GPR158: variants seen among roughly 807,000 people sequenced by gnomAD.
GPR158 encodes the protein metabotropic glycine receptor.
A neutral mutation model predicts 78.2 loss-of-function variants in GPR158; 30 were observed. The observed-to-expected ratio is 0.38, with a 90% CI of 0.29 to 0.52. The LOEUF is 0.52. GPR158 is among the 20% of genes least tolerant of loss of function. The pLI, the probability that GPR158 is intolerant of heterozygous loss-of-function variation, is 0.83. For missense variants in GPR158, 1,463 were observed against 1,523.5 expected, an observed-to-expected ratio of 0.96 and a Z score of 0.66; for synonymous variants, 581 against 591.1, an observed-to-expected ratio of 0.98 and a Z score of 0.25.
rs554154207 is a variant in GPR158 at position 25,213,913 on chromosome 10, T to A, written c.903-7139T>A. On this transcript the variant is annotated intron_variant, in intron 1 of 10. Transcript: ENST00000376351. The stretch of plus-strand genomic sequence containing the variant: ...AATACTGCTTTTTAAACATTCCTTT[T>A]TGTCTCTTCATTCTGCATATTATTT... Among the ~76,000 whole-genome samples, 11 of 152,324 alleles carry A rather than the reference T, an allele frequency of 7.2e-5. 1 individual carries two copies. Among genetic ancestry groups the A allele is most frequent in the African/African-American group, 2.4e-4 (10 of 41,574 alleles).
chr10:25,258,242 C>T (rs1853917176), intron 2 of GPR158, among the ~76,000 whole-genome samples: 1 of 152,170 alleles, frequency 6.6e-6, no homozygotes, highest in South Asian at 2.1e-4. Context: ...TGCATGCATA[C>T]CTTCTCTCAT....
intron 4 of GPR158, among the ~76,000 whole-genome samples, chr10:25,458,905 A>G (rs1835323542): frequency 6.6e-6 from 1 of 152,176 alleles, no homozygotes; most frequent in Non-Finnish European, 1.5e-5. Flanking sequence ...AAAACCTAAA[A>G]TTGATTTTAA....
intron 7 of GPR158, among the ~76,000 whole-genome samples, chr10:25,584,253 C>T (rs1039948313): frequency 1.1e-4 from 17 of 152,116 alleles, no homozygotes; most frequent in Admixed American, 2.0e-4. Context: ...GTAATAACAC[C>T]GCAAATTTGG....
At chr10:25,596,166 C>T (rs1288967906) in intron 9 of GPR158, among the ~76,000 whole-genome samples, 1 of 152,016 alleles carries the variant, frequency 6.6e-6, no homozygotes, top group Non-Finnish European at 1.5e-5. Flanking sequence ...TAATTGTCTC[C>T]AAGACTTTAA....
intron 7 of GPR158, among the ~76,000 whole-genome samples, chr10:25,584,576 G>A (rs1430591483): frequency 6.6e-6 from 1 of 152,146 alleles, no homozygotes; most frequent in Non-Finnish European, 1.5e-5. Context: ...TGTAAAAACT[G>A]TGTGGTAAGT....
chr10:25,328,849 C>G (rs1327652788), intron 2 of GPR158, among the ~76,000 whole-genome samples: 3 of 143,206 alleles, frequency 2.1e-5, no homozygotes, highest in Non-Finnish European at 3.0e-5. Context: ...ATTGATTGAA[C>G]TCGGGAGGCG....
chr10:25,546,095 A>G (rs895721969), intron 5 of GPR158, among the ~76,000 whole-genome samples: 1 of 152,132 alleles, frequency 6.6e-6, no homozygotes, highest in Non-Finnish European at 1.5e-5. Flanking sequence ...GACATGCAGG[A>G]TGAGGCAGGG....
intron 2 of GPR158, among the ~76,000 whole-genome samples, chr10:25,344,504 T>C (rs1218364489): frequency 6.6e-6 from 1 of 151,812 alleles, no homozygotes; most frequent in African/African-American, 2.4e-5. Context: ...TTATTTATCT[T>C]GAGTTTAAAA....
At chr10:25,296,385 C>A (rs1854514135) in intron 2 of GPR158, among the ~76,000 whole-genome samples, 1 of 152,142 alleles carries the variant, frequency 6.6e-6, no homozygotes, top group South Asian at 2.1e-4. Flanking sequence ...TCAACAGCAT[C>A]TGCTACAAGT....
chr10:25,483,212 C>A (rs1835681887), intron 5 of GPR158, among the ~76,000 whole-genome samples: 1 of 152,010 alleles, frequency 6.6e-6, no homozygotes, highest in African/African-American at 2.4e-5. Flanking sequence ...CTATTTCATT[C>A]AGAATGAAAC....
chr10:25,483,551 C>T (rs1172525579), intron 5 of GPR158, among the ~76,000 whole-genome samples: 1 of 152,040 alleles, frequency 6.6e-6, no homozygotes, highest in Non-Finnish European at 1.5e-5. Context: ...ATCTTTATTT[C>T]TTACACGTAC....
intron 4 of GPR158, among the ~76,000 whole-genome samples, chr10:25,419,071 A>G (rs1564449847): frequency 6.6e-6 from 1 of 151,984 alleles, no homozygotes; most frequent in Admixed American, 6.6e-5. Flanking sequence ...TCATATTTTT[A>G]TTTTAGTAAA....
chr10:25,579,385 C>T (rs1227005207), intron 7 of GPR158, among the ~76,000 whole-genome samples: 1 of 152,178 alleles, frequency 6.6e-6, no homozygotes, highest in African/African-American at 2.4e-5. Context: ...CAGATCTTGA[C>T]ACCTAGATTT....
rs1468834267 is a variant in GPR158, at chr10:25,428,987, A to G, written c.1335+16514A>G. On this transcript the variant is annotated intron_variant, in intron 4 of 10. Transcript: ENST00000376351. ...TGCGTAGGGCCATCTTTAGCGTTACAGTTGGGTATAAGCAGAAAAATCAGC... is the reference window on the plus strand; with the variant it reads ...TGCGTAGGGCCATCTTTAGCGTTACGGTTGGGTATAAGCAGAAAAATCAGC... 6.6e-5 allele frequency among the ~76,000 whole-genome samples: 10 copies of G among 152,114 alleles called. No homozygotes were observed. In the East Asian group the frequency reaches 1.9e-3, roughly 29 times the overall value.
chr10:25,530,933 A>G (rs1252559320), intron 5 of GPR158, among the ~76,000 whole-genome samples: 3 of 125,798 alleles, frequency 2.4e-5, no homozygotes, highest in African/African-American at 3.5e-5. Flanking sequence ...CTTCCCTTCT[A>G]CTTTGCATCA....
In GPR158 at chr10:25,600,410, A is replaced by G. The variant is rs1306312634; in HGVS notation, c.*1136A>G. ...ATGACATAAGAATTATAGCAGTACT[A>G]TAAACCCAGGAAGTTTGCCTTTCAA... On this transcript the variant is annotated 3_prime_UTR_variant, in exon 11 of 11. Transcript: ENST00000376351. 6.6e-6 allele frequency: 1 copy of G among 152,402 alleles called. No homozygotes were observed. Among genetic ancestry groups the G allele is most frequent in the African/African-American group, 2.4e-5 (1 of 41,420 alleles). The allele number at this position is 152,402 out of a possible 1,614,324, so 9.4% of individuals were successfully genotyped here. A position where few individuals can be genotyped will look rare whatever the true frequency, so the allele number is the denominator to read the frequency against.
At chr10:25,475,545 G>A (rs1040594109) in intron 5 of GPR158, 7 of 152,108 alleles carry the variant, frequency 4.6e-5, no homozygotes, top group African/African-American at 1.7e-4. Context: ...TGTTGGACTG[G>A]ACTCACTGGC....
At chr10:25,193,089 G>T in intron 1 of GPR158, among the ~76,000 whole-genome samples, 1 of 152,152 alleles carries the variant, frequency 6.6e-6, no homozygotes, top group East Asian at 1.9e-4. Context: ...AAGTTGAGGA[G>T]CACCTGTATA....
intron 1 of GPR158, among the ~76,000 whole-genome samples, chr10:25,187,159 G>T (rs1055434075): frequency 2.0e-5 from 3 of 151,784 alleles, no homozygotes; most frequent in Admixed American, 1.3e-4. Context: ...TAGAGACAGG[G>T]TTTCACTGTG....
Sources: allele counts gnomAD v4.1 joint callset (sites outside exome capture counted in the v4.1 genomes callset), GRCh38; gene constraint gnomAD v4.1.1; transcripts MANE v1.5; gene names NCBI Gene and HGNC (gene_info 2026-07-23, HGNC 2026-07-21).